Variants in MRTFB observed in about 807,000 individuals in gnomAD.
MRTFB encodes myocardin related transcription factor B.
Under a neutral mutation model 104.2 loss-of-function variants are expected in MRTFB, and 29 were observed. The ratio of observed to expected loss-of-function variants is 0.28; its 90% CI spans 0.21 to 0.38. The LOEUF is 0.38. MRTFB is among the 10% of genes least tolerant of loss of function. MRTFB has a pLI of 1.00. For synonymous variants in MRTFB, 535 were observed against 519.5 expected (o/e 1.03, Z -0.41); for missense variants, 1,270 against 1,341.6 (o/e 0.95, Z 0.83).
chr16:14,179,742 G>T (rs983536043), intron 3 of MRTFB, among the ~76,000 whole-genome samples: 1 of 152,244 alleles, frequency 6.6e-6, no homozygotes, highest in Non-Finnish European at 1.5e-5. Flanking sequence ...TGAACTAGTA[G>T]TCTGGGGAGT....
chr16:14,207,940 C>T (rs1170948720), intron 3 of MRTFB, among the ~76,000 whole-genome samples: 1 of 152,006 alleles, frequency 6.6e-6, no homozygotes, highest in East Asian at 1.9e-4. Context: ...GGGATGGAGC[C>T]CTTTAACTTG....
the MRTFB span, among the ~76,000 whole-genome samples, chr16:14,059,873 T>A: frequency 1.3e-5 from 2 of 152,082 alleles, no homozygotes; most frequent in Non-Finnish European, 1.5e-5. Flanking sequence ...GCCTCGGACT[T>A]TAAATATGGA....
intron 2 of MRTFB, among the ~76,000 whole-genome samples, chr16:14,120,109 T>C (rs1433145422): frequency 6.6e-6 from 1 of 152,232 alleles, no homozygotes; most frequent in Non-Finnish European, 1.5e-5. Flanking sequence ...TTTCCTCTTT[T>C]GGGGCTTGTC....
intron 2 of MRTFB, among the ~76,000 whole-genome samples, chr16:14,118,848 G>A (rs1221322889): frequency 1.3e-5 from 2 of 152,028 alleles, no homozygotes; most frequent in African/African-American, 2.4e-5. Context: ...GTATCATACT[G>A]TGTATATATT....
At chr16:14,080,394 T>C (rs1226956529) in intron 2 of MRTFB, among the ~76,000 whole-genome samples, 2 of 152,238 alleles carry the variant, frequency 1.3e-5, no homozygotes, top group African/African-American at 4.8e-5. Flanking sequence ...GTATGTATTG[T>C]GTACCACATG....
At chr16:14,241,964 C>CAATAATAATAAT (rs34609591) in intron 10 of MRTFB, among the ~76,000 whole-genome samples, 32 of 138,588 alleles carry the variant, frequency 2.3e-4, no homozygotes, top group East Asian at 1.5e-3. Context: ...CATTGGGCAC[C>CAATAATAATAAT]AATAATAATA....
At chr16:14,004,353 G>T in the MRTFB span, among the ~76,000 whole-genome samples, 1 of 152,216 alleles carries the variant, frequency 6.6e-6, no homozygotes, top group Non-Finnish European at 1.5e-5. Context: ...AACAGATGGG[G>T]CCTCAAGGGA....
chr16:13,998,135 A>G, the MRTFB span, among the ~76,000 whole-genome samples: 42,486 of 152,118 alleles, frequency 0.28, 6,948 homozygotes, highest in African/African-American at 0.44. Context: ...ATAACAAGAA[A>G]TGAGTGTGGC....
chr16:14,053,497 C>T, the MRTFB span, among the ~76,000 whole-genome samples: 1 of 151,954 alleles, frequency 6.6e-6, no homozygotes, highest in Non-Finnish European at 1.5e-5. Flanking sequence ...CTTTGGGAGG[C>T]CAAGGCGGGC....
chr16:14,255,303 C>T (rs932041950), intron 15 of MRTFB, among the ~76,000 whole-genome samples: 23 of 152,146 alleles, frequency 1.5e-4, no homozygotes, highest in African/African-American at 2.2e-4. Flanking sequence ...TTGAGATGCT[C>T]GATAAACAAG....
At chr16:14,119,761 G>C (rs982996854) in intron 2 of MRTFB, among the ~76,000 whole-genome samples, 7 of 152,060 alleles carry the variant, frequency 4.6e-5, no homozygotes, top group African/African-American at 1.7e-4. Flanking sequence ...ATTTTGGTTG[G>C]TTTGGTCTGT....
intron 2 of MRTFB, among the ~76,000 whole-genome samples, chr16:14,105,845 T>C (rs1436251716): frequency 6.6e-6 from 1 of 152,224 alleles, no homozygotes; most frequent in Non-Finnish European, 1.5e-5. Context: ...TGTCATTCTG[T>C]CTCTTCACAC....
intron 3 of MRTFB, chr16:14,200,304 G>T: frequency 5.0e-6 from 8 of 1,603,862 alleles, no homozygotes; most frequent in East Asian, 2.2e-5. Context: ...ACCCGGACCC[G>T]TACGCTGCTG....
intron 3 of MRTFB, among the ~76,000 whole-genome samples, chr16:14,145,856 T>C (rs897009369): frequency 1.3e-5 from 2 of 152,174 alleles, no homozygotes; most frequent in East Asian, 3.9e-4. Flanking sequence ...AGTGTTTAAA[T>C]TGGAAAAGCT....
At chr16:14,200,924 T>C in intron 3 of MRTFB, 2 of 1,450,532 alleles carry the variant, frequency 1.4e-6, no homozygotes, top group Non-Finnish European at 1.9e-6. Flanking sequence ...ACTTTATATT[T>C]TGGAAAGCAG....
Position 14,265,914 on chromosome 16 carries a change from T to C in MRTFB, c.*4470T>C, listed in dbSNP as rs2043932387. 1 of 152,246 alleles carries C rather than the reference T, an allele frequency of 6.6e-6. No homozygotes were observed. The highest frequency in any genetic ancestry group is 2.4e-5 in the African/African-American group (1 of 41,470). The allele number at this position is 152,246 out of a possible 1,614,324, so 9.4% of individuals were successfully genotyped here. A position where few individuals can be genotyped will look rare whatever the true frequency, so the allele number is the denominator to read the frequency against. ...TTTATGCCAACTACTAAGACAAAGCTTTAACAAAGTTTATAGAATACTGAA... is the reference window on the plus strand; with the variant it reads ...TTTATGCCAACTACTAAGACAAAGCCTTAACAAAGTTTATAGAATACTGAA... On this transcript the variant is annotated 3_prime_UTR_variant, in exon 17 of 17. Coordinates refer to ENST00000571589, the MANE Select transcript of MRTFB (RefSeq NM_001308142.2).
the MRTFB span, among the ~76,000 whole-genome samples, chr16:14,017,233 T>G: frequency 6.6e-6 from 1 of 151,946 alleles, no homozygotes; most frequent in African/African-American, 2.4e-5. Context: ...ATTTTTTGTA[T>G]TTTTAATAGA....
At chr16:14,170,296 A>G (rs1469360498) in intron 3 of MRTFB, 2 of 152,210 alleles carry the variant, frequency 1.3e-5, no homozygotes, top group African/African-American at 2.4e-5. Flanking sequence ...TCTACAAAAA[A>G]TGTTTAAAGT....
At chr16:14,156,114 C>A (rs1490354911) in intron 3 of MRTFB, among the ~76,000 whole-genome samples, 3 of 152,216 alleles carry the variant, frequency 2.0e-5, no homozygotes, top group African/African-American at 7.2e-5. Flanking sequence ...TTTCCCTCCT[C>A]TCAGGGGCCA....
Sources: allele counts gnomAD v4.1 joint callset (sites outside exome capture counted in the v4.1 genomes callset), GRCh38; gene constraint gnomAD v4.1.1; transcripts MANE v1.5; gene names NCBI Gene and HGNC (gene_info 2026-07-23, HGNC 2026-07-21).